PLEKHH2: variants seen among roughly 807,000 people sequenced by gnomAD.
PLEKHH2 encodes pleckstrin homology, MyTH4 and FERM domain containing H2, also known as pleckstrin homology domain-containing family H member 2.
PLEKHH2 carries 129 observed loss-of-function variants against 187.9 expected under a neutral mutation model. That is an observed-to-expected ratio of 0.69 (90% CI 0.59 to 0.79). The LOEUF (loss-of-function observed/expected upper bound fraction) is 0.79. Among genes scored for constraint, PLEKHH2 ranks in the 30% least tolerant of loss-of-function variants. The probability of loss-of-function intolerance (pLI) is 0.00; values close to 1 mark genes in which losing one functional copy is unlikely to be tolerated. For synonymous variants in PLEKHH2, 686 were observed against 605.6 expected (o/e 1.13, Z -1.95); for missense variants, 2,076 against 1,751.2 (o/e 1.19, Z -3.31).
intron 2 of PLEKHH2, among the ~76,000 whole-genome samples, chr2:43,671,237 T>G (rs907687739): frequency 6.6e-5 from 10 of 152,134 alleles, no homozygotes; most frequent in Admixed American, 2.6e-4. Context: ...TCCACCCACC[T>G]CGGCCTCCCA....
chr2:43,711,208 T>C, intron 14 of PLEKHH2: 1 of 985,532 alleles, frequency 1.0e-6, no homozygotes, highest in Non-Finnish European at 1.2e-6. Context: ...TCAATAACCA[T>C]TATTTTCTTA....
Position 43,692,535 on chromosome 2 carries a change from T to G in PLEKHH2, c.208T>G (p.Leu70Val). The G allele has an allele frequency of 6.3e-7, 1 of 1,579,948 alleles. No homozygotes were observed. The highest frequency in any genetic ancestry group is 1.1e-5 in the South Asian group (1 of 88,924). ...FQQVQVMEDK[L>V]KAANIQTSES... ...TTAGGTACAAGTTATGGAAGATAAA[T>G]TAAAAGCAGCTAATATTCAAACCAG... is the stretch of plus-strand genomic sequence containing the variant. Residue 70 changes from leucine (L) to valine (V), a missense_variant, in exon 4 of 30, where the codon TTA (leucine) becomes GTA (valine). Leu to Val is a conservative substitution (Grantham distance 32). Coordinates refer to ENST00000282406, the MANE Select transcript of PLEKHH2 (RefSeq NM_172069.4).
intron 16 of PLEKHH2, among the ~76,000 whole-genome samples, chr2:43,724,956 C>G (rs1236863928): frequency 6.6e-6 from 1 of 152,120 alleles, no homozygotes; most frequent in Non-Finnish European, 1.5e-5. Context: ...CACACACAGA[C>G]AGAGTGAGTT....
At chr2:43,756,687 C>T (rs879311978) in intron 25 of PLEKHH2, among the ~76,000 whole-genome samples, 31 of 152,178 alleles carry the variant, frequency 2.0e-4, no homozygotes, top group African/African-American at 5.8e-4. Flanking sequence ...CTGGCTCACG[C>T]TTGCAATCCC....
chr2:43,653,551 T>C (rs1001720595), intron 2 of PLEKHH2, among the ~76,000 whole-genome samples: 1 of 152,140 alleles, frequency 6.6e-6, no homozygotes, highest in African/African-American at 2.4e-5. Context: ...AAGGAGGAAG[T>C]AAACCAAGAA....
At chr2:43,677,162 T>G (rs1667854197) in intron 2 of PLEKHH2, among the ~76,000 whole-genome samples, 1 of 152,166 alleles carries the variant, frequency 6.6e-6, no homozygotes, top group Admixed American at 6.5e-5. Flanking sequence ...TCATCTCCAG[T>G]GAACTAGTTT....
chr2:43,657,410 A>G (rs545462929), intron 2 of PLEKHH2, among the ~76,000 whole-genome samples: 1 of 152,282 alleles, frequency 6.6e-6, no homozygotes, highest in African/African-American at 2.4e-5. Context: ...GAGCCACCCT[A>G]CTAAACCGCT....
chr2:43,736,942 A>C (rs932397666), intron 19 of PLEKHH2, among the ~76,000 whole-genome samples: 3 of 152,160 alleles, frequency 2.0e-5, no homozygotes, highest in African/African-American at 4.8e-5. Context: ...GTATGTGCGG[A>C]AAGTACCTGA....
intron 16 of PLEKHH2, among the ~76,000 whole-genome samples, chr2:43,721,186 C>G (rs1224275440): frequency 6.6e-6 from 1 of 152,164 alleles, no homozygotes; most frequent in African/African-American, 2.4e-5. Flanking sequence ...TGTTTATATT[C>G]TGTTTATTAA....
chr2:43,706,433 A>C lies in PLEKHH2; in HGVS notation c.1821+17A>C. 6.7e-7 allele frequency: 1 copy of C among 1,500,174 alleles called. No homozygotes were observed. Among genetic ancestry groups the C allele is most frequent in the South Asian group, 1.2e-5 (1 of 85,288 alleles). 92.9% of individuals were successfully genotyped at this position (1,500,174 alleles called of 1,614,324 possible). On this transcript the variant is annotated intron_variant, in intron 10 of 29. Coordinates refer to ENST00000282406, the MANE Select transcript of PLEKHH2 (RefSeq NM_172069.4). ...TTGAAGGGGGTAACTCATTATTGTT[A>C]TTGTTAAAACATGTGCTTCTCTTCA...
At position 43,666,005 on chromosome 2, in the gene PLEKHH2, G is replaced by A. The variant is rs1344180793; in HGVS notation, c.124-12858G>A. Among the ~76,000 whole-genome samples, 75 of 145,318 alleles carry A rather than the reference G, an allele frequency of 5.2e-4. 2 individuals carry two copies. The East Asian group carries it at 0.014, about 27-fold the overall frequency. On this transcript the variant is annotated intron_variant, in intron 2 of 29. Transcript: ENST00000282406. ...CTTGAGCTGTGGTGGGCTCCACCCAGTTCGAGCTTCCCGGCTGCTTTGTTT... is the reference window on the plus strand; with the variant it reads ...CTTGAGCTGTGGTGGGCTCCACCCAATTCGAGCTTCCCGGCTGCTTTGTTT...
chr2:43,754,316 T>G (rs1019362012), intron 25 of PLEKHH2, among the ~76,000 whole-genome samples: 4 of 152,144 alleles, frequency 2.6e-5, no homozygotes, highest in Non-Finnish European at 4.4e-5. Flanking sequence ...TATCCTGTTC[T>G]CTCTTCTGCC....
At chr2:43,754,074 C>T (rs1672107602) in intron 25 of PLEKHH2, among the ~76,000 whole-genome samples, 1 of 151,516 alleles carries the variant, frequency 6.6e-6, no homozygotes, top group Admixed American at 6.6e-5. Context: ...GCTGAAATCG[C>T]TTGGTAGTCT....
intron 19 of PLEKHH2, among the ~76,000 whole-genome samples, chr2:43,737,710 A>G (rs1671361067): frequency 6.6e-6 from 1 of 152,214 alleles, no homozygotes; most frequent in Admixed American, 6.5e-5. Context: ...GAAATGATCT[A>G]ACGGGGAAAG....
At chr2:43,681,545 A>G in intron 3 of PLEKHH2, 3 of 1,408,642 alleles carry the variant, frequency 2.1e-6, no homozygotes, top group Non-Finnish European at 2.0e-6. Flanking sequence ...CGTATGCAGA[A>G]AGACTCACTT....
chr2:43,731,576 C>T lies in PLEKHH2; in HGVS notation c.2917C>T (p.Gln973Ter). 1.3e-6 allele frequency: 2 copies of T among 1,578,976 alleles called. No individual in the cohort carries two copies. Among genetic ancestry groups the T allele is most frequent in the Non-Finnish European group, 1.7e-6 (2 of 1,151,374 alleles). The change falls in exon 19 of 30, where the codon CAG becomes TAG. Residue 973 changes from glutamine (Q) to a stop codon, truncating the protein, a stop_gained. Coordinates refer to ENST00000282406, the MANE Select transcript of PLEKHH2 (RefSeq NM_172069.4). LOFTEE classifies it high-confidence loss of function. ...PLTTLPSEAL[Q>*]TEAIKLFKTC... ...GACAACTCTACCTTCCGAAGCCCTG[C>T]AGACAGAAGCTATTAAATTATTTAA...
At chr2:43,723,096 G>A (rs1427946246) in intron 16 of PLEKHH2, among the ~76,000 whole-genome samples, 4 of 152,122 alleles carry the variant, frequency 2.6e-5, no homozygotes, top group South Asian at 2.1e-4. Context: ...TATTAGGGTG[G>A]ATGAAACCTA....
At chr2:43,649,403 T>A (rs1246565126) in intron 2 of PLEKHH2, among the ~76,000 whole-genome samples, 6 of 152,246 alleles carry the variant, frequency 3.9e-5, no homozygotes, top group South Asian at 2.1e-4. Flanking sequence ...ACATCAGCAT[T>A]GCTCGCATAA....
chr2:43,700,942 T>C (rs1558518890), intron 8 of PLEKHH2, among the ~76,000 whole-genome samples: 2 of 152,198 alleles, frequency 1.3e-5, no homozygotes, highest in Non-Finnish European at 2.9e-5. Context: ...AGTTTTACTT[T>C]TTCTTTTCTT....
Sources: gnomAD v4.1 joint callset for allele counts (sites outside exome capture counted in the v4.1 genomes callset) on GRCh38, gnomAD v4.1.1 for gene constraint, MANE v1.5 for transcripts, NCBI Gene and HGNC (gene_info 2026-07-23, HGNC 2026-07-21) for gene names.